Variants in SLC41A2 observed in about 807,000 individuals in gnomAD.
SLC41A2 encodes solute carrier family 41 member 2, also known as SLC41A1-like 1.
SLC41A2 carries 32 observed loss-of-function variants against 58.3 expected under a neutral mutation model. The ratio of observed to expected loss-of-function variants is 0.55; its 90% CI spans 0.41 to 0.74. SLC41A2 has a LOEUF of 0.74. Among genes scored for constraint, SLC41A2 ranks in the 30% least tolerant of loss-of-function variants. The pLI is 0.00. For missense variants in SLC41A2, 514 were observed against 680.6 expected (o/e 0.76, Z 2.72); for synonymous variants, 190 against 235.0 (o/e 0.81, Z 1.75).
At chr12:104,898,786 CAAT>C (rs1032392927) in intron 3 of SLC41A2, among the ~76,000 whole-genome samples, 30 of 152,132 alleles carry the variant, frequency 2.0e-4, no homozygotes, top group Non-Finnish European at 3.2e-4. Flanking sequence ...TAAAACTCAA[CAAT>C]AACAAACAAT....
intron 10 of SLC41A2, among the ~76,000 whole-genome samples, chr12:104,811,998 T>C (rs1430057733): frequency 6.6e-6 from 1 of 152,198 alleles, no homozygotes; most frequent in Non-Finnish European, 1.5e-5. Flanking sequence ...GTGGTAGAGA[T>C]GCAGGACTCA....
chr12:104,930,200 A>G (rs112677327), intron 1 of SLC41A2, among the ~76,000 whole-genome samples: 7,672 of 74,704 alleles, frequency 0.1, 281 homozygotes, highest in African/African-American at 0.2. Context: ...CTTCCTGTGG[A>G]CTTGCAATGA....
chr12:104,896,729 C>T (rs531032083), intron 3 of SLC41A2, among the ~76,000 whole-genome samples: 120 of 152,150 alleles, frequency 7.9e-4, no homozygotes, highest in Non-Finnish European at 1.3e-3. Context: ...TGAGTGAGTG[C>T]TATGAATTGG....
At chr12:104,827,938 G>A (rs896636484) in intron 10 of SLC41A2, among the ~76,000 whole-genome samples, 1 of 152,146 alleles carries the variant, frequency 6.6e-6, no homozygotes, top group Admixed American at 6.5e-5. Context: ...GTAGAGGAGG[G>A]CATAGTCCCT....
At chr12:104,807,419 G>A (rs567311681) in intron 10 of SLC41A2, among the ~76,000 whole-genome samples, 5 of 152,228 alleles carry the variant, frequency 3.3e-5, no homozygotes, top group Admixed American at 1.3e-4. Flanking sequence ...TGTTCCATTG[G>A]TCTATATCTC....
At chr12:104,888,734 C>T (rs2044794755) in intron 5 of SLC41A2, among the ~76,000 whole-genome samples, 1 of 152,026 alleles carries the variant, frequency 6.6e-6, no homozygotes, top group Non-Finnish European at 1.5e-5. Context: ...AAGGAGTTTC[C>T]CAATTTATTT....
At position 104,853,911 on chromosome 12, in the gene SLC41A2, A is replaced by ATTATTATTTTTT; in HGVS notation, c.1255+7379_1255+7380insAAAAAATAATAA. ...GGGTGCATGTCACCATGCCTGGCTG[A>ATTATTATTTTTT]TTTTTTTTTTTTTTTTTTTTTTTTT... is the stretch of plus-strand genomic sequence containing the variant. On this transcript the variant is annotated intron_variant, in intron 8 of 10. Coordinates refer to ENST00000258538, the MANE Select transcript of SLC41A2 (RefSeq NM_001352171.3). Among the ~76,000 whole-genome samples the ATTATTATTTTTT allele has an allele frequency of 2.3e-3, 138 of 59,488 alleles. 3 individuals are homozygous for ATTATTATTTTTT. Among genetic ancestry groups the ATTATTATTTTTT allele is most frequent in the Admixed American group, 4.7e-3 (22 of 4,650 alleles). The allele number at this position is 59,488 out of a possible 152,430, so 39.0% of individuals were successfully genotyped here. A position where few individuals can be genotyped will look rare whatever the true frequency, so the allele number is the denominator to read the frequency against.
chr12:104,953,297 C>T (rs2048025964), intron 1 of SLC41A2, among the ~76,000 whole-genome samples: 1 of 152,176 alleles, frequency 6.6e-6, no homozygotes, highest in African/African-American at 2.4e-5. Flanking sequence ...GCCTACAAAA[C>T]ACTATTTATT....
At chr12:104,837,811 G>A (rs1452490075) in intron 10 of SLC41A2, among the ~76,000 whole-genome samples, 1 of 152,090 alleles carries the variant, frequency 6.6e-6, no homozygotes, top group Non-Finnish European at 1.5e-5. Flanking sequence ...TATGTTCTAG[G>A]CACTCTAGCA....
chr12:104,844,330 G>T, intron 10 of SLC41A2, 142 bp downstream of exon 10: 1 of 461,240 alleles, frequency 2.2e-6, no homozygotes, highest in East Asian at 3.5e-5. Flanking sequence ...TTGTTTATTG[G>T]TTTTAAGAAG....
chr12:104,845,727 A>G (rs2042576495), intron 9 of SLC41A2, 116 bp downstream of exon 9: 1 of 1,061,144 alleles, frequency 9.4e-7, no homozygotes, highest in East Asian at 2.6e-5. Flanking sequence ...TAGCTCTCAG[A>G]AATCGGAAAG....
At chr12:104,917,211 A>T (rs2046366391) in intron 2 of SLC41A2, among the ~76,000 whole-genome samples, 1 of 152,074 alleles carries the variant, frequency 6.6e-6, no homozygotes, top group African/African-American at 2.4e-5. Flanking sequence ...GCAGCCAAAA[A>T]ACACGTGAAA....
intron 10 of SLC41A2, among the ~76,000 whole-genome samples, chr12:104,842,533 C>T (rs1402486827): frequency 1.3e-5 from 2 of 152,250 alleles, no homozygotes; most frequent in East Asian, 1.9e-4. Flanking sequence ...TCAGCTAACA[C>T]TTATATAGCA....
chr12:104,905,244 G>C, intron 3 of SLC41A2, among the ~76,000 whole-genome samples: 1 of 150,526 alleles, frequency 6.6e-6, no homozygotes, highest in Non-Finnish European at 1.5e-5. Flanking sequence ...GCTAGATACA[G>C]AATGCCAATT....
rs1265561611 is a variant in SLC41A2 at position 104,895,344 on chromosome 12, A to G, written c.665T>C (p.Val222Ala). ...MTLASRLSTA[V>A]NIGKMDSPIE... is the part of the protein sequence containing the mutation. ...GGGTGAATCCATCTTCCCAATATTT[A>G]CCTGTTAAAGTGGATATTTTCATGT... Residue 222 changes from valine (V) to alanine (A), a missense_variant and splice_region_variant, in exon 4 of 11, where the codon GTA becomes GCA. Val to Ala is a moderately conservative substitution (Grantham distance 64). This residue lies in a region of SLC41A2 where 336 missense variants were observed against 430.0 expected (regional missense o/e 0.78). Coordinates refer to ENST00000258538, the MANE Select transcript of SLC41A2 (RefSeq NM_001352171.3). 1.2e-6 allele frequency: 2 copies of G among 1,610,690 alleles called. No individual in the cohort carries two copies. The highest frequency in any genetic ancestry group is 1.7e-6 in the Non-Finnish European group (2 of 1,177,494).
intron 2 of SLC41A2, among the ~76,000 whole-genome samples, chr12:104,924,228 A>G (rs1017764760): frequency 4.6e-5 from 7 of 152,204 alleles, no homozygotes; most frequent in African/African-American, 1.7e-4. Flanking sequence ...ACCACTCCAC[A>G]TGTGCCAGAA....
chr12:104,865,557 T>C (rs2043401249), intron 7 of SLC41A2, among the ~76,000 whole-genome samples: 1 of 152,228 alleles, frequency 6.6e-6, no homozygotes, highest in African/African-American at 2.4e-5. Context: ...GTCAGCTTTT[T>C]TCATTCTGCT....
intron 8 of SLC41A2, among the ~76,000 whole-genome samples, chr12:104,856,353 T>A (rs2043020366): frequency 6.6e-6 from 1 of 152,136 alleles, no homozygotes; most frequent in Non-Finnish European, 1.5e-5. Context: ...GAATGAAGAC[T>A]GAAAATAAGT....
At chr12:104,844,166 G>A (rs2042520558) in intron 10 of SLC41A2, among the ~76,000 whole-genome samples, 1 of 152,070 alleles carries the variant, frequency 6.6e-6, no homozygotes, top group Non-Finnish European at 1.5e-5. Context: ...ATGGGTTTAT[G>A]GAAAATGATG....
Sources: allele counts gnomAD v4.1 joint callset (sites outside exome capture counted in the v4.1 genomes callset), GRCh38; gene constraint gnomAD v4.1.1; regional missense constraint gnomAD v4.1.1; transcripts MANE v1.5; gene names NCBI Gene and HGNC (gene_info 2026-07-23, HGNC 2026-07-21).